Variants in EXOSC10 observed in about 807,000 individuals in gnomAD.
EXOSC10 encodes exosome component 10, also known as exosome complex component 10.
In EXOSC10, 94 loss-of-function variants were observed where a neutral mutation model predicts 126.6. That is an observed-to-expected ratio of 0.74 (90% CI 0.63 to 0.88). The LOEUF (loss-of-function observed/expected upper bound fraction) is 0.88, where lower values mean the gene tolerates loss of function less well. Ranked by LOEUF, EXOSC10 falls within the 40% of genes least tolerant of loss-of-function variation. EXOSC10 has a pLI of 0.00. For synonymous variants in EXOSC10, 395 were observed against 400.8 expected, an observed-to-expected ratio of 0.99 and a Z score of 0.17; for missense variants, 1,041 against 1,100.5, an observed-to-expected ratio of 0.95 and a Z score of 0.77.
At chr1:11,086,188 A>G (rs990401691) in intron 9 of EXOSC10, among the ~76,000 whole-genome samples, 2 of 151,748 alleles carry the variant, frequency 1.3e-5, no homozygotes, top group Non-Finnish European at 2.9e-5. Flanking sequence ...ATAGTTTCAG[A>G]AGGAATGGTA....
At chr1:11,099,538 G>C in intron 1 of EXOSC10, 183 bp downstream of exon 1, 1 of 567,970 alleles carries the variant, frequency 1.8e-6, no homozygotes, top group Non-Finnish European at 2.9e-6. Flanking sequence ...ACGCCCCTCA[G>C]TGTCCGTTTC....
In EXOSC10 at chr1:11,098,096, C is replaced by T. The variant is rs779549961; in HGVS notation, c.172G>A (p.Asp58Asn). ...AAACTTCGGTAAAAATCATACTCATCGCCAAACTGTGGTAGGCCCCCAGAT... is the reference window on the plus strand; with the variant it reads ...AAACTTCGGTAAAAATCATACTCATTGCCAAACTGTGGTAGGCCCCCAGAT... ...KASGGLPQFGDEYDFYRSFPG... is the reference protein window; with the variant it reads ...KASGGLPQFGNEYDFYRSFPG... The change falls in exon 2 of 25, where the codon GAT becomes AAT. Residue 58 changes from aspartate to asparagine, a missense_variant. Asp to Asn is a conservative substitution (Grantham distance 23). Transcript: ENST00000376936. The T allele has an allele frequency of 2.5e-6, 4 of 1,613,236 alleles. No homozygotes were observed. The highest frequency in any genetic ancestry group is 1.3e-5 in the African/African-American group (1 of 75,008).
At chr1:11,073,881 A>AC in intron 19 of EXOSC10, 53 bp downstream of exon 19, 2 of 1,090,544 alleles carry the variant, frequency 1.8e-6, no homozygotes, top group Non-Finnish European at 1.3e-6. Context: ...CCATCTCAAA[A>AC]AAAAAAAAAA....
intron 21 of EXOSC10, chr1:11,070,550 C>A: frequency 6.0e-6 from 1 of 166,486 alleles, no homozygotes; most frequent in Non-Finnish European, 1.3e-5. Context: ...AAAAGAGTTC[C>A]AGAGTGCTCT....
Position 11,080,881 on chromosome 1 carries a change from G to A in EXOSC10, c.1469C>T (p.Ser490Phe). ...KFIKPIFTDE[S>F]YLELYRKQKK... ...CTGCTTCCTATAGAGTTCAAGGTAGGACTCATCCGTGAAGATAGGTTTGAT... is the reference window on the plus strand; with the variant it reads ...CTGCTTCCTATAGAGTTCAAGGTAGAACTCATCCGTGAAGATAGGTTTGAT... The change falls in exon 12 of 25, where the codon TCC becomes TTC. Residue 490 changes from serine to phenylalanine, a missense_variant. By Grantham distance (155) the Ser-to-Phe change is radical (BLOSUM62 -2). Around this residue, in one of 3 missense-constraint regions of EXOSC10, gnomAD observed 645 missense variants for 656.3 expected, o/e 0.98. Transcript: ENST00000376936. 6.2e-7 allele frequency: 1 copy of A among 1,611,448 alleles called. No homozygotes were observed. Among genetic ancestry groups the A allele is most frequent in the South Asian group, 1.1e-5 (1 of 90,408 alleles).
chr1:11,086,285 G>T (rs995422985), intron 9 of EXOSC10, among the ~76,000 whole-genome samples: 1 of 152,074 alleles, frequency 6.6e-6, no homozygotes, highest in Admixed American at 6.6e-5. Flanking sequence ...ATTGATTATT[G>T]CCACAATTTC....
intron 1 of EXOSC10, among the ~76,000 whole-genome samples, chr1:11,099,391 G>A (rs913961636): frequency 5.9e-5 from 9 of 152,250 alleles, no homozygotes; most frequent in African/African-American, 2.4e-5. Flanking sequence ...CCCCTGCGGA[G>A]AGCTGGTCGG....
chr1:11,086,162 T>C (rs977796967), intron 9 of EXOSC10, among the ~76,000 whole-genome samples: 4 of 151,680 alleles, frequency 2.6e-5, no homozygotes, highest in Non-Finnish European at 5.9e-5. Flanking sequence ...GATTCCCTCT[T>C]TTTCTATTGA....
intron 14 of EXOSC10, among the ~76,000 whole-genome samples, chr1:11,079,085 C>G (rs546867140): frequency 7.9e-5 from 12 of 152,192 alleles, no homozygotes; most frequent in African/African-American, 2.9e-4. Flanking sequence ...AATCCCAGCA[C>G]TTTGGGAGGC....
Position 11,076,934 on chromosome 1 carries a change from G to C in EXOSC10, c.1894C>G (p.Gln632Glu). The C allele has an allele frequency of 2.5e-6, 4 of 1,613,550 alleles. No individual in the cohort carries two copies. The highest frequency in any genetic ancestry group is 3.4e-6 in the Non-Finnish European group (4 of 1,179,766). Residue 632 changes from glutamine (Q) to glutamate (E), a missense_variant, in exon 17 of 25, where the codon CAG becomes GAG. By Grantham distance (29) the Gln-to-Glu change is conservative. Around this residue, in one of 3 missense-constraint regions of EXOSC10, gnomAD observed 388 missense variants for 415.2 expected, o/e 0.93. Transcript: ENST00000376936. ...IIPTSGSVPVQKQASLFPDEK... is the reference protein window; with the variant it reads ...IIPTSGSVPVEKQASLFPDEK... ...TCAGGGAAGAGGCTCGCCTGCTTCT[G>C]AACTGGCACAGATCCTAGAGGAGCA...
rs375761887 is a variant in EXOSC10 at position 11,086,958 on chromosome 1, A to G, written c.1089+490T>C. ...TTCAAAAGCTAGCAGAAGGCAAGAAATAACTAAAATCAGAGCAGAACTGAA... is the reference window on the plus strand; with the variant it reads ...TTCAAAAGCTAGCAGAAGGCAAGAAGTAACTAAAATCAGAGCAGAACTGAA... On this transcript the variant is annotated intron_variant, in intron 9 of 24. Coordinates refer to ENST00000376936, the MANE Select transcript of EXOSC10 (RefSeq NM_001001998.3). Among the ~76,000 whole-genome samples the G allele has an allele frequency of 8.0e-3, 1,215 of 152,328 alleles. 25 individuals are homozygous for G. Among genetic ancestry groups the G allele is most frequent in the African/African-American group, 0.028 (1,149 of 41,566 alleles).
chr1:11,091,341 G>T, intron 4 of EXOSC10, 152 bp downstream of exon 4: 1 of 880,242 alleles, frequency 1.1e-6, no homozygotes, highest in Non-Finnish European at 1.7e-6. Flanking sequence ...GAAGAAGAGG[G>T]TGTAATTAGT....
chr1:11,073,991 T>A lies in EXOSC10; in HGVS notation c.2100A>T (p.Gly700=), dbSNP rs1349876822. The A allele has an allele frequency of 6.2e-7, 1 of 1,613,480 alleles. No homozygotes were observed. The highest frequency in any genetic ancestry group is 1.1e-5 in the South Asian group (1 of 91,058). ...CTGCCTGAGAGACGGGAGCACGGTG[T>A]CCCAGTGAGGGCAGAAACTGGAGGA... is the stretch of plus-strand genomic sequence containing the variant. ...NPFRMFLPSL[G]HRAPVSQAAK... The change falls in exon 19 of 25, where the codon GGA becomes GGT. Residue 700 remains glycine (G), a synonymous_variant. Transcript: ENST00000376936.
chr1:11,071,766 C>G (rs1239248261), intron 20 of EXOSC10: 2 of 241,960 alleles, frequency 8.3e-6, no homozygotes, highest in Non-Finnish European at 1.6e-5. Flanking sequence ...TGAACTAGCC[C>G]CAGGGCCTCT....
chr1:11,079,190 G>A (rs553385835), intron 14 of EXOSC10, among the ~76,000 whole-genome samples: 42 of 151,604 alleles, frequency 2.8e-4, no homozygotes, highest in African/African-American at 7.5e-4. Context: ...TTAGCCAGGC[G>A]TGGTGGTGCA....
chr1:11,081,311 G>T, intron 10 of EXOSC10, 73 bp from the exon 11 acceptor site: 1 of 1,559,172 alleles, frequency 6.4e-7, no homozygotes, highest in Non-Finnish European at 8.8e-7. Context: ...TTCCTTGGGT[G>T]CTGGGACTTC....
chr1:11,089,329 G>C (rs1640669965), intron 6 of EXOSC10, among the ~76,000 whole-genome samples: 2 of 151,798 alleles, frequency 1.3e-5, no homozygotes, highest in South Asian at 2.1e-4. Flanking sequence ...AAAACATGGG[G>C]CTGGGTGCGG....
At chr1:11,085,465 G>T (rs1640439529) in intron 9 of EXOSC10, among the ~76,000 whole-genome samples, 2 of 152,170 alleles carry the variant, frequency 1.3e-5, no homozygotes, top group African/African-American at 4.8e-5. Flanking sequence ...TTTGAATATT[G>T]ATTTTGTATC....
At chr1:11,083,562 CA>C (rs35412224) in intron 9 of EXOSC10, among the ~76,000 whole-genome samples, 33,176 of 66,766 alleles carry the variant, frequency 0.5, 5,754 homozygotes, top group East Asian at 0.66. Context: ...AACTCCGTCT[CA>C]AAAAAAAAAA....
Sources: allele counts gnomAD v4.1 joint callset (sites outside exome capture counted in the v4.1 genomes callset), GRCh38; gene constraint gnomAD v4.1.1; regional missense constraint gnomAD v4.1.1; transcripts MANE v1.5; gene names NCBI Gene and HGNC (gene_info 2026-07-23, HGNC 2026-07-21).